The following FRMD4A variants were observed in gnomAD, a reference collection of about 807,000 sequenced individuals.
FRMD4A encodes the protein FERM domain containing 4A.
FRMD4A carries 29 observed loss-of-function variants against 129.1 expected under a neutral mutation model. The observed-to-expected ratio is 0.22, with a 90% confidence interval of 0.17 to 0.31. The LOEUF (loss-of-function observed/expected upper bound fraction) is 0.31, where lower values mean the gene tolerates loss of function less well. Among genes scored for constraint, FRMD4A ranks in the 10% least tolerant of loss-of-function variants. FRMD4A has a pLI of 1.00. For missense variants in FRMD4A, 1,272 were observed against 1,375.8 expected, an observed-to-expected ratio of 0.92 and a Z score of 1.19; for synonymous variants, 634 against 571.6, an observed-to-expected ratio of 1.11 and a Z score of -1.56.
chr10:14,206,953 G>T (rs1842802352), intron 2 of FRMD4A, among the ~76,000 whole-genome samples: 1 of 151,940 alleles, frequency 6.6e-6, no homozygotes, highest in African/African-American at 2.4e-5. Flanking sequence ...AGACCAATCA[G>T]TGACCTTAAA....
chr10:14,104,473 T>C lies in FRMD4A; in HGVS notation c.45+225585A>G, dbSNP rs541860332. 3.3e-5 allele frequency among the ~76,000 whole-genome samples: 5 copies of C among 152,354 alleles called. No individual in the cohort carries two copies. In the East Asian group the frequency reaches 9.6e-4, roughly 29 times the overall value. Reference sequence around the variant, plus strand: ...AATCTACTTCTCTAAGCGGGTTTCCTTTCTTTCCAGATGCTCTACTCCCCA... The same window carrying C: ...AATCTACTTCTCTAAGCGGGTTTCCCTTCTTTCCAGATGCTCTACTCCCCA... On this transcript the variant is annotated intron_variant, in intron 2 of 24. Transcript: ENST00000357447.
At chr10:14,098,635 C>G (rs866017244) in intron 2 of FRMD4A, among the ~76,000 whole-genome samples, 2 of 152,208 alleles carry the variant, frequency 1.3e-5, no homozygotes, top group Middle Eastern at 3.4e-3. Context: ...GTCTCAATCT[C>G]CTGACCCCGT....
At chr10:14,271,504 T>C (rs1400763059) in intron 2 of FRMD4A, among the ~76,000 whole-genome samples, 4 of 152,196 alleles carry the variant, frequency 2.6e-5, no homozygotes, top group Admixed American at 1.3e-4. Context: ...AAGAAACCCC[T>C]TGCAGACGGG....
In FRMD4A at chr10:13,644,768, A is replaced by G. The variant is rs1019758674; in HGVS notation, c.*2270T>C. 31 of 152,260 alleles carry G rather than the reference A, an allele frequency of 2.0e-4. No homozygotes were observed. Among genetic ancestry groups the G allele is most frequent in the African/African-American group, 7.5e-4 (31 of 41,544 alleles). The allele number at this position is 152,260 out of a possible 1,614,324, so 9.4% of individuals were successfully genotyped here. The stretch of plus-strand genomic sequence containing the variant: ...CTTTGGGAGAAAGAAAAATGGCCCA[A>G]TGTATAATGTTTCTGAATGGGGAAG... On this transcript the variant is annotated 3_prime_UTR_variant, in exon 25 of 25. Coordinates refer to ENST00000357447, the MANE Select transcript of FRMD4A (RefSeq NM_018027.5).
At chr10:14,057,805 G>A (rs1223595073) in intron 2 of FRMD4A, among the ~76,000 whole-genome samples, 1 of 152,136 alleles carries the variant, frequency 6.6e-6, no homozygotes, top group Non-Finnish European at 1.5e-5. Context: ...CCTGACCTCA[G>A]GTGATCCACC....
chr10:14,118,294 C>CGG (rs1838305808), intron 2 of FRMD4A, among the ~76,000 whole-genome samples: 2 of 152,220 alleles, frequency 1.3e-5, no homozygotes, highest in South Asian at 4.2e-4. Flanking sequence ...TGAGAGAGAG[C>CGG]CGTTCTTGGT....
At chr10:14,013,600 A>G (rs1227736291) in intron 2 of FRMD4A, among the ~76,000 whole-genome samples, 1 of 152,196 alleles carries the variant, frequency 6.6e-6, no homozygotes, top group African/African-American at 2.4e-5. Flanking sequence ...TGCAAGGACA[A>G]GAGGTGGGCT....
intron 2 of FRMD4A, among the ~76,000 whole-genome samples, chr10:14,250,540 C>T (rs959576159): frequency 6.6e-6 from 1 of 152,070 alleles, no homozygotes; most frequent in East Asian, 1.9e-4. Context: ...TTACAACTGC[C>T]CAGGTATAAA....
intron 3 of FRMD4A, among the ~76,000 whole-genome samples, chr10:13,836,016 G>GTTTTTC (rs2093867949): frequency 9.4e-6 from 1 of 105,846 alleles, no homozygotes; most frequent in Non-Finnish European, 2.0e-5. Flanking sequence ...TTTTGTTTTT[G>GTTTTTC]AGATGGAGTC....
chr10:14,049,893 C>T (rs1011467415), intron 2 of FRMD4A, among the ~76,000 whole-genome samples: 1 of 152,120 alleles, frequency 6.6e-6, no homozygotes, highest in African/African-American at 2.4e-5. Context: ...AAAATTTTGG[C>T]TTTTACGCGT....
At position 13,656,731 on chromosome 10, in the gene FRMD4A, G is replaced by C; in HGVS notation, c.2858C>G (p.Ser953Trp). 2 of 1,594,248 alleles carry C rather than the reference G, an allele frequency of 1.3e-6. No individual in the cohort carries two copies. The highest frequency in any genetic ancestry group is 1.7e-6 in the Non-Finnish European group (2 of 1,171,468). Residue 953 changes from serine (S) to tryptophan (W), a missense_variant, in exon 22 of 25, where the codon TCG becomes TGG. By Grantham distance (177) the Ser-to-Trp change is radical (BLOSUM62 -3). Coordinates refer to ENST00000357447, the MANE Select transcript of FRMD4A (RefSeq NM_018027.5). Reference sequence around the variant, plus strand: ...GGTGCTGTACTGCGAGCCGCTGTCCGAGGAGGTGGAGCTGGTGTGCGACAG... The same window carrying C: ...GGTGCTGTACTGCGAGCCGCTGTCCCAGGAGGTGGAGCTGGTGTGCGACAG... ...SRLSHTSSTSSDSGSQYSTSS... is the reference protein window; with the variant it reads ...SRLSHTSSTSWDSGSQYSTSS...
intron 2 of FRMD4A, among the ~76,000 whole-genome samples, chr10:14,306,672 G>T (rs1290960189): frequency 6.6e-6 from 1 of 152,188 alleles, no homozygotes; most frequent in Non-Finnish European, 1.5e-5. Flanking sequence ...CCCCTGTAAG[G>T]GGAATGCACT....
chr10:14,028,389 G>GT (rs1833080835), intron 2 of FRMD4A, among the ~76,000 whole-genome samples: 1 of 152,116 alleles, frequency 6.6e-6, no homozygotes. Flanking sequence ...AATGTAGAGC[G>GT]TAACTCCTTA....
intron 12 of FRMD4A, among the ~76,000 whole-genome samples, chr10:13,722,809 G>A (rs1489548365): frequency 6.6e-6 from 1 of 152,224 alleles, no homozygotes; most frequent in Non-Finnish European, 1.5e-5. Flanking sequence ...CTCCATGCTG[G>A]TTAGACAGAT....
rs2083833968 is a variant in FRMD4A at position 13,674,803 on chromosome 10, A to T, written c.1251+108T>A. 6.3e-6 allele frequency: 8 copies of T among 1,262,620 alleles called. No individual in the cohort carries two copies. The Admixed American group carries it at 1.5e-4, about 23-fold the overall frequency. 78.2% of individuals were successfully genotyped at this position (1,262,620 alleles called of 1,614,324 possible). A position where few individuals can be genotyped will look rare whatever the true frequency, so the allele number is the denominator to read the frequency against. On this transcript the variant is annotated intron_variant, in intron 16 of 24. Coordinates refer to ENST00000357447, the MANE Select transcript of FRMD4A (RefSeq NM_018027.5). ...ACTACCCTTGCCTTCTGTCAAAACG[A>T]TCAAATGACATCAGTCAAATGACAT...
chr10:14,032,858 G>A (rs1833312401), intron 2 of FRMD4A, among the ~76,000 whole-genome samples: 1 of 152,200 alleles, frequency 6.6e-6, no homozygotes, highest in Non-Finnish European at 1.5e-5. Flanking sequence ...AGGAGACGGT[G>A]GTGGTGGGAA....
intron 2 of FRMD4A, among the ~76,000 whole-genome samples, chr10:14,204,300 A>C (rs1842720588): frequency 6.6e-6 from 1 of 152,060 alleles, no homozygotes; most frequent in Non-Finnish European, 1.5e-5. Flanking sequence ...ATGATGGTGC[A>C]TGCCTATAAT....
At chr10:14,010,851 G>A (rs12777331) in intron 2 of FRMD4A, among the ~76,000 whole-genome samples, 57,458 of 151,644 alleles carry the variant, frequency 0.38, 13,014 homozygotes, top group Non-Finnish European at 0.52. Context: ...ATGTTTCCCC[G>A]GAAGGGATAT....
At chr10:14,207,648 C>A (rs1481899715) in intron 2 of FRMD4A, among the ~76,000 whole-genome samples, 3 of 151,214 alleles carry the variant, frequency 2.0e-5, no homozygotes, top group African/African-American at 7.3e-5. Flanking sequence ...TCAACACTAG[C>A]AGGACAGCTA....
Sources: allele counts gnomAD v4.1 joint callset (sites outside exome capture counted in the v4.1 genomes callset), GRCh38; gene constraint gnomAD v4.1.1; transcripts MANE v1.5; gene names NCBI Gene and HGNC (gene_info 2026-07-23, HGNC 2026-07-21).